Variants in DPP10 observed in about 807,000 individuals in gnomAD.
DPP10 encodes inactive dipeptidyl peptidase 10.
DPP10 carries 33 observed loss-of-function variants against 120.9 expected under a neutral mutation model. The ratio of observed to expected loss-of-function variants is 0.27; its 90% CI spans 0.21 to 0.37. The LOEUF (loss-of-function observed/expected upper bound fraction) is 0.37, where lower values mean the gene tolerates loss of function less well. Among genes scored for constraint, DPP10 ranks in the 10% least tolerant of loss-of-function variants. The pLI, the probability that DPP10 is intolerant of heterozygous loss-of-function variation, is 1.00. For missense variants in DPP10, 816 were observed against 942.8 expected (o/e 0.87, Z 1.76); for synonymous variants, 337 against 326.1 (o/e 1.03, Z -0.36).
intron 5 of DPP10, among the ~76,000 whole-genome samples, chr2:115,680,572 TA>T (rs983764415): frequency 6.6e-6 from 1 of 151,836 alleles, no homozygotes; most frequent in Non-Finnish European, 1.5e-5. Context: ...AAATAAAAAA[TA>T]ATTATTGCTT....
chr2:115,771,106 A>C (rs1317227732), intron 13 of DPP10, among the ~76,000 whole-genome samples: 1 of 151,512 alleles, frequency 6.6e-6, no homozygotes, highest in East Asian at 1.9e-4. Context: ...ACAGAGTCTC[A>C]GTTTGTTGCC....
intron 3 of DPP10, among the ~76,000 whole-genome samples, chr2:115,366,323 A>G (rs2065075352): frequency 6.6e-6 from 1 of 151,996 alleles, no homozygotes; most frequent in African/African-American, 2.4e-5. Context: ...TGTGTATAGG[A>G]ACAATTCTAC....
At chr2:114,689,287 G>C (rs930568391) in intron 1 of DPP10, among the ~76,000 whole-genome samples, 1 of 151,628 alleles carries the variant, frequency 6.6e-6, no homozygotes, top group African/African-American at 2.4e-5. Context: ...AACATTCCAT[G>C]TGTTCCTGTC....
chr2:115,590,231 A>G (rs1056029356), intron 5 of DPP10, among the ~76,000 whole-genome samples: 8 of 150,420 alleles, frequency 5.3e-5, no homozygotes, highest in African/African-American at 2.0e-4. Flanking sequence ...GGTTAGTTAC[A>G]TATGTATACA....
At chr2:115,133,143 G>GTATATATATATATATA (rs1238047393) in intron 1 of DPP10, among the ~76,000 whole-genome samples, 2 of 31,998 alleles carry the variant, frequency 6.3e-5, no homozygotes, top group Non-Finnish European at 1.2e-4. Context: ...GTGTGTGTGT[G>GTATATATATATATATA]TGTATATATA....
chr2:115,387,335 C>T (rs776919836), intron 3 of DPP10, among the ~76,000 whole-genome samples: 17 of 152,120 alleles, frequency 1.1e-4, no homozygotes, highest in Non-Finnish European at 2.2e-4. Flanking sequence ...TTAGTTGCTA[C>T]AACAACTTAT....
intron 5 of DPP10, among the ~76,000 whole-genome samples, chr2:115,676,409 T>G (rs1217008238): frequency 6.6e-6 from 1 of 152,050 alleles, no homozygotes; most frequent in Non-Finnish European, 1.5e-5. Flanking sequence ...TTCATAAAAC[T>G]GGAAGAAGAG....
chr2:115,838,888 A>G (rs558867792), intron 24 of DPP10, among the ~76,000 whole-genome samples: 12 of 152,324 alleles, frequency 7.9e-5, no homozygotes, highest in African/African-American at 2.9e-4. Flanking sequence ...CTGTAACACC[A>G]CTACTATTAA....
rs749904114 is a variant in DPP10 at position 115,727,890 on chromosome 2, A to G, written c.651A>G (p.Gly217=). The change falls in exon 8 of 26, where the codon GGA becomes GGG. Residue 217 remains glycine (G), a synonymous_variant. Transcript: ENST00000410059. ...GTTCATTGCGACTGACATCTTCTGG[A>G]AAAGAAGAAATAATTTTTAATGGGA... ...KSSSLRLTSS[G]KEEIIFNGIA... The G allele has an allele frequency of 1.2e-5, 20 of 1,608,030 alleles. No homozygotes were observed. The highest frequency in any genetic ancestry group is 1.6e-5 in the Non-Finnish European group (19 of 1,177,404).
intron 5 of DPP10, chr2:115,578,970 C>G: frequency 6.6e-6 from 1 of 152,206 alleles, no homozygotes; most frequent in East Asian, 1.9e-4. Context: ...ATCAAGCCCG[C>G]TTCCTCACCC....
intron 1 of DPP10, among the ~76,000 whole-genome samples, chr2:114,743,764 G>A (rs1005210884): frequency 4.6e-5 from 7 of 152,026 alleles, no homozygotes; most frequent in African/African-American, 1.7e-4. Flanking sequence ...CTTATAAAAT[G>A]TAAAACAAGA....
chr2:114,749,625 C>T (rs964932565), intron 1 of DPP10, among the ~76,000 whole-genome samples: 3 of 116,514 alleles, frequency 2.6e-5, no homozygotes, highest in Non-Finnish European at 5.5e-5. Context: ...CTCACTCTGT[C>T]GCCCAGGCTA....
At chr2:115,712,792 T>C (rs2092374097) in intron 7 of DPP10, among the ~76,000 whole-genome samples, 1 of 151,768 alleles carries the variant, frequency 6.6e-6, no homozygotes, top group African/African-American at 2.4e-5. Context: ...TACAATGTTA[T>C]GTAATACAAG....
chr2:115,584,994 A>G (rs1474054417), intron 5 of DPP10, among the ~76,000 whole-genome samples: 3 of 152,224 alleles, frequency 2.0e-5, no homozygotes, highest in East Asian at 1.9e-4. Flanking sequence ...ACACATACCC[A>G]TTAATTTTTA....
chr2:115,729,388 G>A (rs1264783902), intron 8 of DPP10, among the ~76,000 whole-genome samples: 1 of 152,176 alleles, frequency 6.6e-6, no homozygotes, highest in Non-Finnish European at 1.5e-5. Flanking sequence ...AGTGTGGTAA[G>A]TAGTTGAATC....
intron 15 of DPP10, among the ~76,000 whole-genome samples, chr2:115,779,948 T>C (rs903265605): frequency 6.6e-6 from 1 of 151,988 alleles, no homozygotes; most frequent in East Asian, 1.9e-4. Flanking sequence ...CTGTTTCTTG[T>C]AGCTGCCTTA....
At chr2:115,529,844 A>G (rs1002307905) in intron 5 of DPP10, among the ~76,000 whole-genome samples, 2 of 152,152 alleles carry the variant, frequency 1.3e-5, no homozygotes, top group Admixed American at 6.6e-5. Flanking sequence ...GTGTCACAAT[A>G]ACCATTCTCT....
chr2:115,593,042 C>T (rs13032725), intron 5 of DPP10, among the ~76,000 whole-genome samples: 64,294 of 151,900 alleles, frequency 0.42, 16,531 homozygotes, highest in Non-Finnish European at 0.58. Context: ...TGTTAAGGGT[C>T]GTTAGTTAGA....
At chr2:114,986,947 T>A (rs969673387) in intron 1 of DPP10, among the ~76,000 whole-genome samples, 8 of 152,122 alleles carry the variant, frequency 5.3e-5, no homozygotes, top group African/African-American at 1.9e-4. Context: ...AATTTTTTTT[T>A]ATTATTATTT....
Sources: allele counts gnomAD v4.1 joint callset (sites outside exome capture counted in the v4.1 genomes callset), GRCh38; gene constraint gnomAD v4.1.1; transcripts MANE v1.5; gene names NCBI Gene and HGNC (gene_info 2026-07-23, HGNC 2026-07-21).